PLXNC1: variants seen among roughly 807,000 people sequenced by gnomAD.
PLXNC1 encodes plexin C1.
PLXNC1 carries 75 observed loss-of-function variants against 178.2 expected under a neutral mutation model. The ratio of observed to expected loss-of-function variants is 0.42; its 90% CI spans 0.35 to 0.51. The LOEUF (loss-of-function observed/expected upper bound fraction) is 0.51. Ranked by LOEUF, PLXNC1 falls within the 20% of genes least tolerant of loss-of-function variation. The pLI, the probability that PLXNC1 is intolerant of heterozygous loss-of-function variation, is 0.02. For missense variants in PLXNC1, 1,503 were observed against 1,984.4 expected (o/e 0.76, Z 4.61); for synonymous variants, 790 against 779.9 (o/e 1.01, Z -0.22).
At chr12:94,154,867 ACCTAG>A (rs1336273603) in intron 1 of PLXNC1, among the ~76,000 whole-genome samples, 1 of 152,220 alleles carries the variant, frequency 6.6e-6, no homozygotes, top group Admixed American at 6.5e-5. Flanking sequence ...AACCCCCCAT[ACCTAG>A]CATAGTACCC....
At chr12:94,282,210 A>G in intron 22 of PLXNC1, 88 bp from the exon 23 acceptor site, 1 of 845,994 alleles carries the variant, frequency 1.2e-6, no homozygotes, top group South Asian at 1.5e-5. Flanking sequence ...TTACCACTTT[A>G]TTCAAGTTTT....
At chr12:94,197,434 CCTTT>C (rs1397420719) in intron 4 of PLXNC1, among the ~76,000 whole-genome samples, 1 of 10,538 alleles carries the variant, frequency 9.5e-5, no homozygotes, top group Non-Finnish European at 2.6e-4. Context: ...ACATTAGGCC[CCTTT>C]CTCTCTCTCT....
At chr12:94,283,229 G>C (rs569859752) in intron 23 of PLXNC1, among the ~76,000 whole-genome samples, 1 of 152,308 alleles carries the variant, frequency 6.6e-6, no homozygotes, top group East Asian at 1.9e-4. Context: ...AATCCAAGAG[G>C]CTTCCTGGAG....
At chr12:94,229,305 C>T (rs1382439752) in intron 9 of PLXNC1, among the ~76,000 whole-genome samples, 1 of 152,144 alleles carries the variant, frequency 6.6e-6, no homozygotes, top group Non-Finnish European at 1.5e-5. Flanking sequence ...TGGGTATCAA[C>T]CCCCTATCAG....
At position 94,148,961 on chromosome 12, in the gene PLXNC1, C is replaced by T. The variant is rs1288996329; in HGVS notation, c.-11C>T. On this transcript the variant is annotated 5_prime_UTR_variant, in exon 1 of 31. Transcript: ENST00000258526. The surrounding 1 kb of genome is among the most constrained non-coding windows in gnomAD (Gnocchi z 4.8). ...CCGCGCGCCCTGCCCGGGGGCGGCC[C>T]CCCCAGCCCCATGGAGGTCTCCCGG... 4 of 1,179,590 alleles carry T rather than the reference C, an allele frequency of 3.4e-6. No homozygotes were observed. The highest frequency in any genetic ancestry group is 4.3e-6 in the Non-Finnish European group (4 of 924,606). 73.1% of individuals were successfully genotyped at this position (1,179,590 alleles called of 1,614,324 possible).
At chr12:94,303,731 G>GTTT in intron 28 of PLXNC1, 25 bp from the exon 29 acceptor site, 10 of 1,113,690 alleles carry the variant, frequency 9.0e-6, no homozygotes, top group South Asian at 4.4e-5. Flanking sequence ...GGTGATGGTT[G>GTTT]CTTTTTTTTT....
At chr12:94,265,310 A>C in intron 21 of PLXNC1, 85 bp downstream of exon 21, 1 of 1,272,154 alleles carries the variant, frequency 7.9e-7, no homozygotes, top group South Asian at 1.4e-5. Context: ...TTACAATGAA[A>C]CGGTATCATC....
At chr12:94,303,701 T>TC (rs1238954839) in intron 28 of PLXNC1, 55 bp from the exon 29 acceptor site, 9 of 1,158,244 alleles carry the variant, frequency 7.8e-6, no homozygotes, top group Non-Finnish European at 1.0e-5. Flanking sequence ...ATCTTTTTTT[T>TC]TTTTTTTTTT....
chr12:94,155,519 T>C (rs1020015101), intron 1 of PLXNC1, among the ~76,000 whole-genome samples: 3 of 152,194 alleles, frequency 2.0e-5, no homozygotes, highest in Admixed American at 2.0e-4. Context: ...GCATTTTTTT[T>C]CCCCTTGCAT....
At chr12:94,261,263 C>T (rs562726848) in intron 20 of PLXNC1, among the ~76,000 whole-genome samples, 8 of 152,308 alleles carry the variant, frequency 5.3e-5, no homozygotes, top group South Asian at 2.1e-4. Context: ...CCAGTCATTC[C>T]GCATTAAAGC....
chr12:94,249,597 C>G (rs1309221432), intron 14 of PLXNC1, among the ~76,000 whole-genome samples: 1 of 151,894 alleles, frequency 6.6e-6, no homozygotes, highest in Non-Finnish European at 1.5e-5. Context: ...CCTATAATGC[C>G]AGCACTTTGG....
rs1339514327 is a variant in PLXNC1 at position 94,248,240 on chromosome 12, A to G, written c.2606A>G (p.Asn869Ser). 6.2e-7 allele frequency: 1 copy of G among 1,608,918 alleles called. No individual in the cohort carries two copies. Among genetic ancestry groups the G allele is most frequent in the Non-Finnish European group, 8.5e-7 (1 of 1,178,120 alleles). Residue 869 changes from asparagine (N) to serine (S), a missense_variant, in exon 14 of 31, where the codon AAC (asparagine) becomes AGC (serine). Asn to Ser is a conservative substitution (Grantham distance 46, BLOSUM62 1). This residue lies in a region of PLXNC1 where 639 missense variants were observed against 979.7 expected (regional missense o/e 0.65). Coordinates refer to ENST00000258526, the MANE Select transcript of PLXNC1 (RefSeq NM_005761.3). ...LEVKIQKEND[N>S]FNISKKDIEI... ...TGTTCTTTACAGAAAGAAAATGACA[A>G]CTTCAACATTTCCAAAAAAGACATT...
intron 24 of PLXNC1, 123 bp from the exon 25 acceptor site, chr12:94,297,066 A>G: frequency 1.1e-6 from 1 of 874,732 alleles, no homozygotes; most frequent in Non-Finnish European, 1.9e-6. Context: ...TGGAGAGCTC[A>G]AGTCAAAAAG....
chr12:94,155,708 A>G (rs942540890), intron 1 of PLXNC1, among the ~76,000 whole-genome samples: 6 of 152,210 alleles, frequency 3.9e-5, no homozygotes, highest in Admixed American at 2.0e-4. Context: ...ACTCTTGCAT[A>G]TAACAGTTTA....
chr12:94,240,662 C>T lies in PLXNC1; in HGVS notation c.2298C>T (p.Ile766=), dbSNP rs1248184884. 1 of 1,606,998 alleles carries T rather than the reference C, an allele frequency of 6.2e-7. No individual in the cohort carries two copies. The highest frequency in any genetic ancestry group is 8.5e-7 in the Non-Finnish European group (1 of 1,175,018). Residue 766 remains isoleucine, a splice_region_variant and synonymous_variant, in exon 11 of 31, where the codon ATC becomes ATT. Transcript: ENST00000258526. ...TTATATTTCCTGCTACCACCTGGAT[C>T]AGGTACTTTCTAGATTCATAATCTT... ...CSLIFPATTW[I]SGGQNITMMG...
chr12:94,248,886 C>T (rs1039311576), intron 14 of PLXNC1, among the ~76,000 whole-genome samples: 20 of 152,160 alleles, frequency 1.3e-4, no homozygotes, highest in African/African-American at 4.6e-4. Flanking sequence ...TGAAGTCATA[C>T]TTTCTGCGAT....
chr12:94,150,797 G>A (rs1010789028), intron 1 of PLXNC1: 1 of 152,336 alleles, frequency 6.6e-6, no homozygotes, highest in Non-Finnish European at 1.5e-5. Flanking sequence ...GGGTGCTACA[G>A]GCAGTTTCTG....
chr12:94,211,915 T>A (rs370261248), intron 5 of PLXNC1, among the ~76,000 whole-genome samples: 2 of 152,316 alleles, frequency 1.3e-5, no homozygotes, highest in East Asian at 3.9e-4. Flanking sequence ...AACAAGGTTG[T>A]AAACATGGGC....
At chr12:94,209,751 G>A in intron 5 of PLXNC1, 47 bp downstream of exon 5, 1 of 1,140,996 alleles carries the variant, frequency 8.8e-7, no homozygotes, top group Non-Finnish European at 1.3e-6. Flanking sequence ...GTCTCATTTT[G>A]CACAGCGGAT....
Sources: allele counts gnomAD v4.1 joint callset (sites outside exome capture counted in the v4.1 genomes callset), GRCh38; gene constraint gnomAD v4.1.1; regional missense constraint gnomAD v4.1.1; non-coding constraint Gnocchi (gnomAD v3.1); transcripts MANE v1.5; gene names NCBI Gene and HGNC (gene_info 2026-07-23, HGNC 2026-07-21).